The following ANKRD28 variants were observed in gnomAD, a reference collection of about 807,000 sequenced individuals.
The protein encoded by ANKRD28 is serine/threonine-protein phosphatase 6 regulatory ankyrin repeat subunit A.
Under a neutral mutation model 126.5 loss-of-function variants are expected in ANKRD28, and 44 were observed. The ratio of observed to expected loss-of-function variants is 0.35; its 90% CI spans 0.27 to 0.45. ANKRD28 has a LOEUF of 0.45. ANKRD28 is among the 20% of genes least tolerant of loss of function. The pLI, the probability that ANKRD28 is intolerant of heterozygous loss-of-function variation, is 1.00. For synonymous variants in ANKRD28, 442 were observed against 468.5 expected, an observed-to-expected ratio of 0.94 and a Z score of 0.73; for missense variants, 1,110 against 1,316.6, an observed-to-expected ratio of 0.84 and a Z score of 2.43.
chr3:15,771,407 C>A (rs1243287152), intron 2 of ANKRD28, among the ~76,000 whole-genome samples: 2 of 84,806 alleles, frequency 2.4e-5, no homozygotes, highest in East Asian at 2.7e-4. Flanking sequence ...AAAACTCTGT[C>A]TCAAAAAAAA....
At chr3:15,698,427 T>C (rs1575217971) in intron 14 of ANKRD28, among the ~76,000 whole-genome samples, 1 of 152,096 alleles carries the variant, frequency 6.6e-6, no homozygotes, top group East Asian at 1.9e-4. Context: ...GGGTATTCAA[T>C]TAGGAAAAGA....
chr3:15,685,541 T>C (rs911094549), intron 20 of ANKRD28, 96 bp from the exon 21 acceptor site: 2 of 1,022,030 alleles, frequency 2.0e-6, no homozygotes, highest in African/African-American at 1.6e-5. Flanking sequence ...ATACTCTCCA[T>C]ATCCTTCCAT....
In ANKRD28 at chr3:15,713,669, C is replaced by A. The variant is rs79678883; in HGVS notation, c.1076-28G>T. 7,167 of 1,465,396 alleles carry A rather than the reference C, an allele frequency of 4.9e-3. 275 individuals carry two copies. In the African/African-American group the frequency reaches 0.086, roughly 18 times the overall value. The allele number at this position is 1,465,396 out of a possible 1,614,324, so 90.8% of individuals were successfully genotyped here. A position where few individuals can be genotyped will look rare whatever the true frequency, so the allele number is the denominator to read the frequency against. ...GCAATATAGGACTTACTGTCAGACA[C>A]TGGACCATATAAAGATCAGGTCAAA... On this transcript the variant is annotated intron_variant, in intron 9 of 27. Coordinates refer to ENST00000683139, the MANE Select transcript of ANKRD28 (RefSeq NM_001349278.2).
Position 15,814,345 on chromosome 3 carries a change from G to A in ANKRD28, c.28-19039C>T, listed in dbSNP as rs1459043649. ...AAACAGATATCAAAAGAAAGAATAC[G>A]CTGATCCTAGAAATTAAGGGCTATG... On this transcript the variant is annotated intron_variant, in intron 1 of 27. Coordinates refer to the ANKRD28 transcript ENST00000399451. The surrounding 1 kb of genome is among the most constrained non-coding windows in gnomAD (Gnocchi z 4.7). 11 of 1,164,310 alleles carry A rather than the reference G, an allele frequency of 9.4e-6. No homozygotes were observed. The highest frequency in any genetic ancestry group is 2.8e-5 in the South Asian group (2 of 72,002). The allele number at this position is 1,164,310 out of a possible 1,614,324, so 72.1% of individuals were successfully genotyped here.
intron 14 of ANKRD28, among the ~76,000 whole-genome samples, chr3:15,702,816 A>AG (rs1369994888): frequency 6.7e-6 from 1 of 149,846 alleles, no homozygotes; most frequent in Non-Finnish European, 1.5e-5. Context: ...AGTTCTTACC[A>AG]CCCCCCACCA....
At chr3:15,757,730 C>G (rs915825352) in intron 3 of ANKRD28, among the ~76,000 whole-genome samples, 4 of 152,096 alleles carry the variant, frequency 2.6e-5, no homozygotes, top group African/African-American at 9.7e-5. Context: ...TCCCAGGCCC[C>G]AGAACTGAGA....
chr3:15,678,989 G>A (rs964424747), intron 23 of ANKRD28, among the ~76,000 whole-genome samples: 1 of 151,944 alleles, frequency 6.6e-6, no homozygotes, highest in Non-Finnish European at 1.5e-5. Flanking sequence ...TGGGGGGTAG[G>A]GCCCAGACGG....
chr3:15,756,504 A>G (rs1051167520), intron 3 of ANKRD28: 1 of 985,362 alleles, frequency 1.0e-6, no homozygotes, highest in Non-Finnish European at 1.2e-6. Flanking sequence ...GGCTCTAGGC[A>G]GCCAGCAATG....
At chr3:15,679,217 A>T in intron 23 of ANKRD28, 84 bp downstream of exon 23, 1 of 1,324,796 alleles carries the variant, frequency 7.5e-7, no homozygotes, top group Non-Finnish European at 1.1e-6. Context: ...TCATCCTCCC[A>T]CTTCAGCCTC....
chr3:15,799,327 A>AC (rs398105626), upstream of ANKRD28, among the ~76,000 whole-genome samples: 5 of 151,784 alleles, frequency 3.3e-5, no homozygotes, highest in South Asian at 6.2e-4. Flanking sequence ...GAAAAAAAAA[A>AC]CAAAAAATCC....
At position 15,853,028 on chromosome 3, in the gene ANKRD28, G is replaced by C. The variant is rs560699766; in HGVS notation, c.27+6349C>G. ...AGGAGGGTGGATGAATAATTTAATA[G>C]CATAACTAAGAATTGGGGATGAGGG... On this transcript the variant is annotated intron_variant, in intron 1 of 27. Coordinates refer to the ANKRD28 transcript ENST00000399451. This position sits in a 1 kb window ranked among gnomAD's most constrained non-coding sequence, Gnocchi z 4.2. Among the ~76,000 whole-genome samples, 96 of 151,818 alleles carry C rather than the reference G, an allele frequency of 6.3e-4. No homozygotes were observed. The highest frequency in any genetic ancestry group is 1.1e-3 in the Non-Finnish European group (75 of 67,928).
intron 21 of ANKRD28, chr3:15,684,873 C>T: frequency 4.6e-6 from 1 of 217,508 alleles, no homozygotes; most frequent in South Asian, 6.9e-5. Context: ...CCTGTAATCC[C>T]AACACTTTGG....
chr3:15,844,343 AG>A (rs936022814), intron 1 of ANKRD28, among the ~76,000 whole-genome samples: 24 of 152,216 alleles, frequency 1.6e-4, no homozygotes, highest in Non-Finnish European at 3.2e-4. Flanking sequence ...TTGTGGCGAA[AG>A]GGAACCAAAC....
intron 3 of ANKRD28, among the ~76,000 whole-genome samples, chr3:15,755,135 G>GA (rs1304897673): frequency 6.7e-6 from 1 of 150,238 alleles, no homozygotes; most frequent in African/African-American, 2.4e-5. Context: ...GTCTCAAAAA[G>GA]AAAAAAAATA....
intron 14 of ANKRD28, chr3:15,697,340 T>C (rs1381708155): frequency 1.3e-5 from 2 of 152,350 alleles, no homozygotes; most frequent in Non-Finnish European, 2.9e-5. Flanking sequence ...TTTTACTCCA[T>C]GTGAGGGATA....
intron 2 of ANKRD28, among the ~76,000 whole-genome samples, chr3:15,770,409 T>TATAC (rs2058940161): frequency 1.5e-5 from 2 of 137,560 alleles, no homozygotes; most frequent in South Asian, 4.6e-4. Flanking sequence ...AATACATATA[T>TATAC]ATACATATAT....
chr3:15,676,296 T>C (rs938089060), intron 26 of ANKRD28: 6 of 246,870 alleles, frequency 2.4e-5, no homozygotes, highest in Non-Finnish European at 4.6e-5. Context: ...ACCATTGAAA[T>C]TGCATTCCTC....
At chr3:15,767,905 A>G (rs530665145) in intron 2 of ANKRD28, among the ~76,000 whole-genome samples, 1 of 148,960 alleles carries the variant, frequency 6.7e-6, no homozygotes, top group African/African-American at 2.6e-5. Flanking sequence ...AAACAAAACA[A>G]AACAACAAAA....
At chr3:15,735,961 T>C (rs142135756) in intron 5 of ANKRD28, among the ~76,000 whole-genome samples, 317 of 152,312 alleles carry the variant, frequency 2.1e-3, no homozygotes, top group Non-Finnish European at 3.6e-3. Context: ...AAAATAATAA[T>C]TGCAACTAAC....
Sources: allele counts gnomAD v4.1 joint callset (sites outside exome capture counted in the v4.1 genomes callset), GRCh38; gene constraint gnomAD v4.1.1; non-coding constraint Gnocchi (gnomAD v3.1); transcripts MANE v1.5; gene names NCBI Gene and HGNC (gene_info 2026-07-23, HGNC 2026-07-21).